The following DNAH14 variants were observed in gnomAD, a reference collection of about 807,000 sequenced individuals.
The protein encoded by DNAH14 is axonemal beta dynein heavy chain 14.
A neutral mutation model predicts 520.9 loss-of-function variants in DNAH14; 478 were observed. That is an observed-to-expected ratio of 0.92 (90% CI 0.85 to 0.99). The LOEUF (loss-of-function observed/expected upper bound fraction) is 0.99. Ranked by LOEUF, DNAH14 falls within the 50% of genes least tolerant of loss-of-function variation. The pLI is 0.00. For missense variants in DNAH14, 4,831 were observed against 5,234.5 expected, an observed-to-expected ratio of 0.92 and a Z score of 2.38; for synonymous variants, 1,581 against 1,757.2, an observed-to-expected ratio of 0.90 and a Z score of 2.51.
chr1:225,367,680 G>A (rs1356817364), intron 76 of DNAH14, 125 bp from the exon 77 acceptor site: 2 of 687,180 alleles, frequency 2.9e-6, no homozygotes, highest in Admixed American at 3.0e-5. Context: ...GGATTTGCCA[G>A]TGAATCTTGA....
chr1:225,357,360 G>C (rs1250423041), intron 73 of DNAH14, among the ~76,000 whole-genome samples: 1 of 151,906 alleles, frequency 6.6e-6, no homozygotes, highest in Non-Finnish European at 1.5e-5. Flanking sequence ...CAACAGTGGA[G>C]AAATGTAACA....
At chr1:225,259,353 A>T in intron 46 of DNAH14, 100 bp downstream of exon 46, 1 of 851,884 alleles carries the variant, frequency 1.2e-6, no homozygotes, top group Admixed American at 4.1e-5. Context: ...TCTGTTATGT[A>T]AAAATGCAGA....
chr1:225,054,348 G>T (rs748698779), intron 17 of DNAH14, among the ~76,000 whole-genome samples: 4 of 152,126 alleles, frequency 2.6e-5, no homozygotes, highest in Non-Finnish European at 5.9e-5. Context: ...AATTAAAAGT[G>T]ACCAGAGGAC....
At chr1:225,361,102 C>T (rs1431900134) in intron 75 of DNAH14, among the ~76,000 whole-genome samples, 1 of 152,048 alleles carries the variant, frequency 6.6e-6, no homozygotes, top group Non-Finnish European at 1.5e-5. Context: ...CTTTTTAAGG[C>T]CTCTTCAGTT....
Position 225,204,176 on chromosome 1 carries a change from AT to A in DNAH14, c.5887-3del. 7.2e-7 allele frequency: 1 copy of A among 1,393,040 alleles called. No homozygotes were observed. Among genetic ancestry groups the A allele is most frequent in the Non-Finnish European group, 9.5e-7 (1 of 1,051,898 alleles). The allele number at this position is 1,393,040 out of a possible 1,614,324, so 86.3% of individuals were successfully genotyped here. The stretch of plus-strand genomic sequence containing the variant: ...AAAATTTAAACATTATTGATTACAT[AT>A]TTTAGGTTTTCAAACTTGATTCCTC... On this transcript the variant is annotated splice_region_variant and splice_polypyrimidine_tract_variant and intron_variant, in intron 38 of 85. Coordinates refer to ENST00000682510, the MANE Select transcript of DNAH14 (RefSeq NM_001367479.1).
chr1:225,152,570 T>C lies in DNAH14; in HGVS notation c.5010-127T>C, dbSNP rs938847788. The C allele has an allele frequency of 1.6e-4, 148 of 903,478 alleles. No individual in the cohort carries two copies. In the East Asian group the frequency reaches 3.9e-3, roughly 24 times the overall value. The allele number at this position is 903,478 out of a possible 1,614,324, so 56.0% of individuals were successfully genotyped here. A position where few individuals can be genotyped will look rare whatever the true frequency, so the allele number is the denominator to read the frequency against. On this transcript the variant is annotated intron_variant, in intron 32 of 85. Transcript: ENST00000682510. ...GAAAGGTACAATAAAAACTATCTTGTAAACTAATTTTCAGATAAAGGTCAC... is the reference window on the plus strand; with the variant it reads ...GAAAGGTACAATAAAAACTATCTTGCAAACTAATTTTCAGATAAAGGTCAC...
chr1:224,935,313 G>A (rs771305774), intron 1 of DNAH14, among the ~76,000 whole-genome samples: 8 of 151,844 alleles, frequency 5.3e-5, no homozygotes, highest in Admixed American at 3.9e-4. Context: ...ATTTTAAAAA[G>A]ATTCAGCTAT....
chr1:225,315,342 T>C (rs542718757), intron 60 of DNAH14, among the ~76,000 whole-genome samples: 2 of 152,028 alleles, frequency 1.3e-5, no homozygotes, highest in South Asian at 4.2e-4. Flanking sequence ...ATTCCTCTAA[T>C]CTTTTATCAA....
intron 40 of DNAH14, 71 bp from the exon 41 acceptor site, chr1:225,206,897 G>C: frequency 7.7e-7 from 1 of 1,301,456 alleles, no homozygotes; most frequent in Admixed American, 3.3e-5. Context: ...AGTAAAAAGA[G>C]AGTAAGATAG....
At chr1:225,344,454 C>T (rs573699868) in intron 69 of DNAH14, among the ~76,000 whole-genome samples, 7 of 152,024 alleles carry the variant, frequency 4.6e-5, no homozygotes, top group Non-Finnish European at 1.0e-4. Flanking sequence ...CATTTAGTTC[C>T]CACTTATAAA....
Position 225,153,752 on chromosome 1 carries a change from T to A in DNAH14, c.5199T>A (p.Asp1733Glu). ...TCAAATATTTTAATGTTTGATAGGA[T>A]CATTATAATTTTGGCTTGAGATCTC... ...ELARKQLSQQ[D>E]HYNFGLRSLK... is the part of the protein sequence containing the mutation. Residue 1733 changes from aspartate to glutamate, a missense_variant and splice_region_variant, in exon 34 of 86, where the codon GAT becomes GAA. By Grantham distance (45) the Asp-to-Glu change is conservative (BLOSUM62 2). Coordinates refer to ENST00000682510, the MANE Select transcript of DNAH14 (RefSeq NM_001367479.1). 1 of 1,541,740 alleles carries A rather than the reference T, an allele frequency of 6.5e-7. No homozygotes were observed. Among genetic ancestry groups the A allele is most frequent in the Non-Finnish European group, 8.8e-7 (1 of 1,139,512 alleles).
intron 17 of DNAH14, among the ~76,000 whole-genome samples, chr1:225,060,296 T>C (rs1226849846): frequency 1.3e-5 from 2 of 152,214 alleles, no homozygotes; most frequent in Non-Finnish European, 2.9e-5. Flanking sequence ...TTTCTTCCAG[T>C]TGATCGAATC....
At position 225,364,912 on chromosome 1, in the gene DNAH14, C is replaced by T. The variant is rs1419813897; in HGVS notation, c.12090+18C>T. On this transcript the variant is annotated intron_variant, in intron 76 of 85. Transcript: ENST00000682510. ...GTTTAAAGGTAAGAACAAAGTATAA[C>T]AGATTTAATGTTGACTGAGGAGCCC... is the stretch of plus-strand genomic sequence containing the variant. 6.6e-7 allele frequency: 1 copy of T among 1,513,686 alleles called. No individual in the cohort carries two copies. The highest frequency in any genetic ancestry group is 8.9e-7 in the Non-Finnish European group (1 of 1,120,960). 93.8% of individuals were successfully genotyped at this position (1,513,686 alleles called of 1,614,324 possible). A position where few individuals can be genotyped will look rare whatever the true frequency, so the allele number is the denominator to read the frequency against.
intron 10 of DNAH14, among the ~76,000 whole-genome samples, chr1:225,011,325 C>G (rs545588950): frequency 6.6e-6 from 1 of 152,260 alleles, no homozygotes; most frequent in African/African-American, 2.4e-5. Flanking sequence ...TTTCAAAGAA[C>G]TTAATCATTT....
intron 27 of DNAH14, among the ~76,000 whole-genome samples, chr1:225,137,818 T>A (rs1341501980): frequency 6.6e-6 from 1 of 152,090 alleles, no homozygotes; most frequent in Admixed American, 6.5e-5. Flanking sequence ...CACTAGGGGG[T>A]GACCCTTCTT....
At chr1:225,121,027 C>G (rs897774317) in intron 26 of DNAH14, among the ~76,000 whole-genome samples, 17 of 152,100 alleles carry the variant, frequency 1.1e-4, no homozygotes, top group African/African-American at 3.6e-4. Context: ...AGTGTTTGAC[C>G]ATAATGCATA....
chr1:225,197,524 G>A (rs1240980094), intron 38 of DNAH14, among the ~76,000 whole-genome samples: 1 of 152,066 alleles, frequency 6.6e-6, no homozygotes, highest in Non-Finnish European at 1.5e-5. Flanking sequence ...GGCTATATGG[G>A]CTCTTTTTTG....
At chr1:225,252,565 CTA>C in intron 44 of DNAH14, 148 bp downstream of exon 44, 1 of 518,074 alleles carries the variant, frequency 1.9e-6, no homozygotes, top group Non-Finnish European at 3.3e-6. Context: ...CAGTTTAGAT[CTA>C]TGTTTACAAA....
intron 27 of DNAH14, among the ~76,000 whole-genome samples, chr1:225,124,091 A>G (rs559649697): frequency 1.3e-5 from 2 of 152,258 alleles, no homozygotes; most frequent in East Asian, 3.9e-4. Flanking sequence ...GTTCTGTCTA[A>G]AAAATGTGCA....
Sources: gnomAD v4.1 joint callset for allele counts (sites outside exome capture counted in the v4.1 genomes callset) on GRCh38, gnomAD v4.1.1 for gene constraint, MANE v1.5 for transcripts, NCBI Gene and HGNC (gene_info 2026-07-23, HGNC 2026-07-21) for gene names.